Variants in SCN2A observed in about 807,000 individuals in gnomAD.
SCN2A encodes the protein sodium voltage-gated channel alpha subunit 2, also known as sodium channel protein type 2 subunit alpha.
Under a neutral mutation model 188.7 loss-of-function variants are expected in SCN2A, and 20 were observed. The observed-to-expected ratio is 0.11, with a 90% CI of 0.07 to 0.15. The LOEUF (loss-of-function observed/expected upper bound fraction) is 0.15, where lower values mean the gene tolerates loss of function less well. Ranked by LOEUF, SCN2A falls within the 10% of genes least tolerant of loss-of-function variation. SCN2A has a pLI of 1.00. For missense variants in SCN2A, 1,278 were observed against 2,445.0 expected (o/e 0.52, Z 10.07); for synonymous variants, 804 against 833.1 (o/e 0.97, Z 0.60).
At chr2:165,353,152 T>C (rs79022075) in intron 16 of SCN2A, among the ~76,000 whole-genome samples, 2,923 of 152,198 alleles carry the variant, frequency 0.019, 86 homozygotes, top group African/African-American at 0.064. Flanking sequence ...TGCAGACTGA[T>C]TACTGTCCTT....
chr2:165,257,640 G>A (rs1278962895), intron 1 of SCN2A, among the ~76,000 whole-genome samples: 1 of 152,084 alleles, frequency 6.6e-6, no homozygotes, highest in African/African-American at 2.4e-5. Context: ...CCGGGTTCAC[G>A]CCATTCTCCT....
chr2:165,293,850 CTG>C (rs1696343481), intron 1 of SCN2A: 2 of 984,742 alleles, frequency 2.0e-6, no homozygotes, highest in Non-Finnish European at 1.2e-6. Context: ...AGACATATGT[CTG>C]TGTGTACGCT....
At chr2:165,368,959 G>T (rs1277278811) in intron 19 of SCN2A, among the ~76,000 whole-genome samples, 2 of 151,786 alleles carry the variant, frequency 1.3e-5, no homozygotes, top group Admixed American at 1.3e-4. Flanking sequence ...AGACAGTCTT[G>T]CTGTTGCCCA....
Position 165,344,762 on chromosome 2 carries a change from C to A in SCN2A, c.2770C>A (p.His924Asn). Residue 924 changes from histidine to asparagine, a missense_variant, in exon 16 of 27, where the codon CAC becomes AAC. Transcript: ENST00000375437. ...CAATGATTGTGAACTCCCACGCTGGCACATGCATGACTTTTTCCACTCCTT... is the reference window on the plus strand; with the variant it reads ...CAATGATTGTGAACTCCCACGCTGGAACATGCATGACTTTTTCCACTCCTT... ...ISNDCELPRW[H>N]MHDFFHSFLI... 6.2e-7 allele frequency: 1 copy of A among 1,614,128 alleles called. No homozygotes were observed. The highest frequency in any genetic ancestry group is 8.5e-7 in the Non-Finnish European group (1 of 1,180,030).
At chr2:165,265,031 T>C (rs113874380) in intron 1 of SCN2A, among the ~76,000 whole-genome samples, 8,212 of 152,220 alleles carry the variant, frequency 0.054, 243 homozygotes, top group Middle Eastern at 0.18. Flanking sequence ...CTTTAGTTGT[T>C]TGAGGAATCA....
rs752255191 is a variant in SCN2A, at chr2:165,391,412, G to T, written c.*1588G>T. On this transcript the variant is annotated 3_prime_UTR_variant, in exon 27 of 27. Coordinates refer to ENST00000375437, the MANE Select transcript of SCN2A (RefSeq NM_001040142.2). ...ATTTTATTTTATTTTTCAGCCTTTT[G>T]TACGTAAAATGAGAAATTAAAAGTA... is the stretch of plus-strand genomic sequence containing the variant. 6.6e-6 allele frequency: 1 copy of T among 152,434 alleles called. No individual in the cohort carries two copies. Among genetic ancestry groups the T allele is most frequent in the Non-Finnish European group, 1.5e-5 (1 of 67,970 alleles). The allele number at this position is 152,434 out of a possible 1,614,324, so 9.4% of individuals were successfully genotyped here.
intron 14 of SCN2A, among the ~76,000 whole-genome samples, chr2:165,336,773 T>TC (rs1223088056): frequency 6.6e-6 from 1 of 152,040 alleles, no homozygotes. Context: ...TGATGGATGT[T>TC]CAAGTTGATT....
At chr2:165,298,267 G>T (rs1196570615) in intron 3 of SCN2A, among the ~76,000 whole-genome samples, 3 of 152,138 alleles carry the variant, frequency 2.0e-5, no homozygotes, top group Admixed American at 6.5e-5. Flanking sequence ...AGCAGGCCTA[G>T]AAAATATTTG....
rs1702070662 is a variant in SCN2A at position 165,390,102 on chromosome 2, C to T, written c.*278C>T. On this transcript the variant is annotated 3_prime_UTR_variant, in exon 27 of 27. Coordinates refer to ENST00000375437, the MANE Select transcript of SCN2A (RefSeq NM_001040142.2). ...TAATGGCTACTCAGACGATAGGAACCAATTTAAAGGGGGGAGGGAAGTTAA... is the reference window on the plus strand; with the variant it reads ...TAATGGCTACTCAGACGATAGGAACTAATTTAAAGGGGGGAGGGAAGTTAA... The T allele has an allele frequency of 2.7e-6, 1 of 374,690 alleles. No individual in the cohort carries two copies. The highest frequency in any genetic ancestry group is 2.1e-5 in the African/African-American group (1 of 48,462). 23.2% of individuals were successfully genotyped at this position (374,690 alleles called of 1,614,324 possible). A position where few individuals can be genotyped will look rare whatever the true frequency, so the allele number is the denominator to read the frequency against.
At position 165,296,998 on chromosome 2, in the gene SCN2A, G is replaced by A. The variant is rs898178511; in HGVS notation, c.268-19G>A. Reference sequence around the variant, plus strand: ...ATATATTCTAAGTTTTATTTTATGTGTTGTGTTTTCTTTTTCAGACGTTTA... The same window carrying A: ...ATATATTCTAAGTTTTATTTTATGTATTGTGTTTTCTTTTTCAGACGTTTA... On this transcript the variant is annotated intron_variant, in intron 2 of 26. Coordinates refer to ENST00000375437, the MANE Select transcript of SCN2A (RefSeq NM_001040142.2). 3 of 1,286,574 alleles carry A rather than the reference G, an allele frequency of 2.3e-6. No individual in the cohort carries two copies. Among genetic ancestry groups the A allele is most frequent in the Non-Finnish European group, 3.4e-6 (3 of 889,394 alleles). The allele number at this position is 1,286,574 out of a possible 1,614,324, so 79.7% of individuals were successfully genotyped here. A position where few individuals can be genotyped will look rare whatever the true frequency, so the allele number is the denominator to read the frequency against.
At chr2:165,279,267 G>T (rs574779217) in intron 1 of SCN2A, among the ~76,000 whole-genome samples, 1 of 152,270 alleles carries the variant, frequency 6.6e-6, no homozygotes. Context: ...AGACCAAATG[G>T]TATTTGAGAT....
chr2:165,372,234 T>C (rs1369027090), intron 20 of SCN2A: 1 of 152,200 alleles, frequency 6.6e-6, no homozygotes, highest in African/African-American at 2.4e-5. Flanking sequence ...ATGTAAGACA[T>C]AATTTTACAA....
intron 14 of SCN2A, among the ~76,000 whole-genome samples, chr2:165,332,992 C>A (rs566175820): frequency 6.6e-6 from 1 of 152,014 alleles, no homozygotes; most frequent in South Asian, 2.1e-4. Context: ...TAATGTAGCT[C>A]CATGTACAGA....
At chr2:165,283,112 A>T (rs1695654220) in intron 1 of SCN2A, among the ~76,000 whole-genome samples, 1 of 152,242 alleles carries the variant, frequency 6.6e-6, no homozygotes, top group African/African-American at 2.4e-5. Flanking sequence ...AAGATCATAA[A>T]TTAAAGGAAA....
chr2:165,370,553 T>C, intron 20 of SCN2A: 1 of 401,688 alleles, frequency 2.5e-6, no homozygotes, highest in South Asian at 4.4e-5. Context: ...AAATCTCAAG[T>C]TATGCAAAAT....
intron 1 of SCN2A, among the ~76,000 whole-genome samples, chr2:165,264,673 G>A (rs139149566): frequency 4.6e-5 from 7 of 152,000 alleles, no homozygotes; most frequent in African/African-American, 1.4e-4. Context: ...ATATGTTCAT[G>A]TGTTCTCATC....
rs1432664046 is a variant in SCN2A at position 165,328,303 on chromosome 2, A to G, written c.2149+1319A>G. ...TAATGCAATTCACTGATTTCAATTGAATATTAAACTCTAGTACGTTCTTCC... is the reference window on the plus strand; with the variant it reads ...TAATGCAATTCACTGATTTCAATTGGATATTAAACTCTAGTACGTTCTTCC... On this transcript the variant is annotated intron_variant, in intron 13 of 26. Transcript: ENST00000375437. The G allele has an allele frequency of 1.9e-5, 3 of 154,354 alleles. No homozygotes were observed. In the Admixed American group the frequency reaches 2.0e-4, roughly 10 times the overall value. The allele number at this position is 154,354 out of a possible 1,614,324, so 9.6% of individuals were successfully genotyped here.
intron 14 of SCN2A, among the ~76,000 whole-genome samples, chr2:165,332,230 C>A (rs1175693573): frequency 1.3e-5 from 2 of 151,676 alleles, no homozygotes; most frequent in Non-Finnish European, 2.9e-5. Context: ...ATTAAGTTCC[C>A]AGCTTGATAA....
chr2:165,296,699 A>G (rs1696528487), intron 2 of SCN2A: 1 of 182,210 alleles, frequency 5.5e-6, no homozygotes, highest in African/African-American at 2.4e-5. Flanking sequence ...AAAAAAAATC[A>G]AAGCCTCAAT....
Sources: allele counts gnomAD v4.1 joint callset (sites outside exome capture counted in the v4.1 genomes callset), GRCh38; gene constraint gnomAD v4.1.1; transcripts MANE v1.5; gene names NCBI Gene and HGNC (gene_info 2026-07-23, HGNC 2026-07-21).